The following PKHD1 variants were observed in gnomAD, a reference collection of about 807,000 sequenced individuals.
PKHD1 encodes fibrocystin.
In PKHD1, 291 loss-of-function variants were observed where a neutral mutation model predicts 412.0. The ratio of observed to expected loss-of-function variants is 0.71; its 90% CI spans 0.64 to 0.78. The LOEUF is 0.78. PKHD1 is among the 30% of genes least tolerant of loss of function. The pLI is 0.00. For missense variants in PKHD1, 4,825 were observed against 4,950.7 expected (o/e 0.97, Z 0.76); for synonymous variants, 1,777 against 1,821.5 (o/e 0.98, Z 0.62).
chr6:51,981,218 CAG>C (rs1300668530), intron 35 of PKHD1, among the ~76,000 whole-genome samples: 6 of 149,976 alleles, frequency 4.0e-5, no homozygotes, highest in South Asian at 2.1e-4. Flanking sequence ...TCCGATTGCA[CAG>C]AGTCTTGCAA....
intron 35 of PKHD1, among the ~76,000 whole-genome samples, chr6:51,973,512 G>A (rs1793961278): frequency 6.6e-6 from 1 of 152,058 alleles, no homozygotes. Flanking sequence ...CAATCCACAG[G>A]CACAGTTTTT....
At chr6:52,033,803 T>C (rs1252764779) in intron 28 of PKHD1, among the ~76,000 whole-genome samples, 1 of 152,046 alleles carries the variant, frequency 6.6e-6, no homozygotes, top group Non-Finnish European at 1.5e-5. Flanking sequence ...ACGATGGAAC[T>C]TTTTTTAAAA....
intron 22 of PKHD1, among the ~76,000 whole-genome samples, chr6:52,049,091 T>G (rs1806335298): frequency 6.6e-6 from 1 of 152,224 alleles, no homozygotes; most frequent in South Asian, 2.1e-4. Context: ...TATACAGTTA[T>G]GCATCACTTA....
At chr6:51,817,272 A>G (rs1392185207) in intron 52 of PKHD1, among the ~76,000 whole-genome samples, 1 of 152,140 alleles carries the variant, frequency 6.6e-6, no homozygotes. Flanking sequence ...TGTAAACCCT[A>G]TTCACAAAAT....
Position 52,042,898 on chromosome 6 carries a change from T to C in PKHD1, c.3058A>G (p.Arg1020Gly). 1 of 1,613,968 alleles carries C rather than the reference T, an allele frequency of 6.2e-7. No individual in the cohort carries two copies. ...CTGGAAGGCTCCACCATATCCAGTC[T>C]AGGTTTCACATTTAGGAAGAGGTCT... ...GEDLFLNVKP[R>G]LDMVEPSRAA... Residue 1020 changes from arginine to glycine, a missense_variant, in exon 27 of 67, where the codon AGA becomes GGA. Arg to Gly is a moderately radical substitution (Grantham distance 125). Coordinates refer to ENST00000371117, the MANE Select transcript of PKHD1 (RefSeq NM_138694.4).
At chr6:52,081,783 A>G (rs897327504) in intron 4 of PKHD1, among the ~76,000 whole-genome samples, 1 of 152,184 alleles carries the variant, frequency 6.6e-6, no homozygotes, top group South Asian at 2.1e-4. Context: ...GAGAGAACAG[A>G]AAAGAAAAGG....
chr6:51,644,144 A>G (rs2150349832), intron 63 of PKHD1, among the ~76,000 whole-genome samples: 1 of 152,276 alleles, frequency 6.6e-6, no homozygotes, highest in East Asian at 1.9e-4. Context: ...ATTTTCTGGA[A>G]TCGATGAGGT....
In PKHD1 at chr6:51,772,720, A is replaced by G. The variant is rs771992346; in HGVS notation, c.8624T>C (p.Ile2875Thr). 7.0e-6 allele frequency: 11 copies of G among 1,582,056 alleles called. No individual in the cohort carries two copies. The South Asian group carries it at 7.8e-5, about 11-fold the overall frequency. The change falls in exon 55 of 67, where the codon ATT becomes ACT. Residue 2875 changes from isoleucine to threonine, a missense_variant. Physicochemically the swap from Ile to Thr is moderately conservative, Grantham distance 89. Coordinates refer to ENST00000371117, the MANE Select transcript of PKHD1 (RefSeq NM_138694.4). ...KNSWTHLGAD[I>T]ASGNERIIVE... ...TCCTTACCTCTCATTTCCTGAGGCA[A>G]TATCAGCTCCAAGATGTGTCCAGGA...
intron 11 of PKHD1, among the ~76,000 whole-genome samples, chr6:52,068,808 A>G (rs1191184123): frequency 2.0e-5 from 3 of 152,208 alleles, no homozygotes; most frequent in Non-Finnish European, 4.4e-5. Context: ...CTATCTAGAG[A>G]GTAAATGACA....
chr6:52,043,196 T>C lies in PKHD1; in HGVS notation c.2822-62A>G, dbSNP rs1805208281. On this transcript the variant is annotated intron_variant, in intron 26 of 66. Coordinates refer to ENST00000371117, the MANE Select transcript of PKHD1 (RefSeq NM_138694.4). ...AATCTCTCAGTGATATTACTTCATT[T>C]GAGAGACCTCTCACTATCATCAAAT... is the stretch of plus-strand genomic sequence containing the variant. 3 of 1,314,006 alleles carry C rather than the reference T, an allele frequency of 2.3e-6. No individual in the cohort carries two copies. In the East Asian group the frequency reaches 7.5e-5, roughly 33 times the overall value. The allele number at this position is 1,314,006 out of a possible 1,614,324, so 81.4% of individuals were successfully genotyped here.
chr6:51,645,348 T>C (rs942635656), intron 63 of PKHD1, among the ~76,000 whole-genome samples: 1 of 152,148 alleles, frequency 6.6e-6, no homozygotes, highest in Non-Finnish European at 1.5e-5. Flanking sequence ...CCAGTACTGA[T>C]ATATATCTCT....
At chr6:51,727,216 T>C (rs1782685363) in intron 60 of PKHD1, among the ~76,000 whole-genome samples, 1 of 152,146 alleles carries the variant, frequency 6.6e-6, no homozygotes, top group Admixed American at 6.5e-5. Context: ...TTTCCTCTTT[T>C]CTCTTCCAGT....
chr6:51,964,620 C>A (rs1015455596), intron 35 of PKHD1, among the ~76,000 whole-genome samples: 1 of 152,052 alleles, frequency 6.6e-6, no homozygotes, highest in Non-Finnish European at 1.5e-5. Context: ...CTATTGGCTA[C>A]CCCAAAAATA....
Position 51,960,040 on chromosome 6 carries a change from A to G in PKHD1, c.5752-14T>C. On this transcript the variant is annotated splice_polypyrimidine_tract_variant and intron_variant, in intron 35 of 66. Coordinates refer to ENST00000371117, the MANE Select transcript of PKHD1 (RefSeq NM_138694.4). ...AGAAAAGTTGCCCTGGAAAACAGAG[A>G]GCTGGGTTGGTGGGTTGGTTGGTTG... is the stretch of plus-strand genomic sequence containing the variant. 1 of 1,612,844 alleles carries G rather than the reference A, an allele frequency of 6.2e-7. No homozygotes were observed. Among genetic ancestry groups the G allele is most frequent in the Admixed American group, 1.7e-5 (1 of 59,914 alleles).
Position 51,757,504 on chromosome 6 carries a change from C to T in PKHD1, c.8643-2566G>A, listed in dbSNP as rs528629923. On this transcript the variant is annotated intron_variant, in intron 55 of 66. Coordinates refer to ENST00000371117, the MANE Select transcript of PKHD1 (RefSeq NM_138694.4). ...TCTTCAGGTCTCTCATTCTTGAAAA[C>T]TGACACAAGTCACTACGGTCACTAT... Among the ~76,000 whole-genome samples, 4 of 152,220 alleles carry T rather than the reference C, an allele frequency of 2.6e-5. No individual in the cohort carries two copies. In the East Asian group the frequency reaches 7.7e-4, roughly 29 times the overall value.
At chr6:51,762,481 C>T (rs569037713) in intron 55 of PKHD1, among the ~76,000 whole-genome samples, 1 of 152,042 alleles carries the variant, frequency 6.6e-6, no homozygotes, top group Non-Finnish European at 1.5e-5. Flanking sequence ...CTCAAGCAAG[C>T]AACAACAGAG....
chr6:51,959,423 G>C (rs564160973), intron 36 of PKHD1, among the ~76,000 whole-genome samples: 1 of 152,064 alleles, frequency 6.6e-6, no homozygotes, highest in South Asian at 2.1e-4. Flanking sequence ...CAATAAGAAA[G>C]CCTATTTATA....
chr6:51,900,891 T>A (rs184666063), intron 43 of PKHD1, among the ~76,000 whole-genome samples: 275 of 152,304 alleles, frequency 1.8e-3, no homozygotes, highest in African/African-American at 5.8e-3. Context: ...AGAAGACATT[T>A]ATGGAGCCAA....
intron 60 of PKHD1, among the ~76,000 whole-genome samples, chr6:51,674,056 A>G (rs969900303): frequency 6.6e-6 from 1 of 152,188 alleles, no homozygotes; most frequent in Non-Finnish European, 1.5e-5. Flanking sequence ...GAAAGCTGGG[A>G]TATTAAGAAA....
Sources: gnomAD v4.1 joint callset for allele counts (sites outside exome capture counted in the v4.1 genomes callset) on GRCh38, gnomAD v4.1.1 for gene constraint, MANE v1.5 for transcripts, NCBI Gene and HGNC (gene_info 2026-07-23, HGNC 2026-07-21) for gene names.